Variants in GLYATL2 observed in about 807,000 individuals in gnomAD.
GLYATL2 encodes glycine-N-acyltransferase like 2.
A neutral mutation model predicts 21.4 loss-of-function variants in GLYATL2; 25 were observed. The observed-to-expected ratio is 1.17, with a 90% CI of 0.85 to 1.63. The LOEUF is 1.63. GLYATL2 is among the 40% of genes most tolerant of loss of function. GLYATL2 has a pLI of 0.00. For missense variants in GLYATL2, 361 were observed against 343.3 expected, an observed-to-expected ratio of 1.05 and a Z score of -0.41; for synonymous variants, 114 against 118.2, an observed-to-expected ratio of 0.96 and a Z score of 0.23.
At chr11:58,860,606 T>C (rs1853913926) in intron 1 of GLYATL2, among the ~76,000 whole-genome samples, 1 of 152,132 alleles carries the variant, frequency 6.6e-6, no homozygotes, top group Admixed American at 6.5e-5. Context: ...TTCTCTTGCC[T>C]AATTGCTCTG....
intron 1 of GLYATL2, among the ~76,000 whole-genome samples, chr11:58,891,617 G>T (rs1854545248): frequency 6.6e-6 from 1 of 152,104 alleles, no homozygotes; most frequent in African/African-American, 2.4e-5. Context: ...CACCCTCTAG[G>T]ACACTACAGA....
chr11:58,899,130 G>A (rs969566765), intron 1 of GLYATL2, among the ~76,000 whole-genome samples: 7 of 152,136 alleles, frequency 4.6e-5, no homozygotes, highest in Non-Finnish European at 1.0e-4. Context: ...AAGCTAATAA[G>A]AAGTGGATGA....
rs563598819 is a variant in GLYATL2 at position 58,892,803 on chromosome 11, G to A, written n.60+11353C>T. 2.8e-5 allele frequency: 9 copies of A among 324,520 alleles called. No homozygotes were observed. The South Asian group carries it at 3.7e-4, about 13-fold the overall frequency. 20.1% of individuals were successfully genotyped at this position (324,520 alleles called of 1,614,324 possible). ...TGCAATAAAAGCAAGCTTGGAAGTA[G>A]GGATGAGATAGGCCACCCAGATGAT... On this transcript the variant is annotated intron_variant and non_coding_transcript_variant, in intron 1 of 4. Transcript: ENST00000533636.
intron 1 of GLYATL2, among the ~76,000 whole-genome samples, chr11:58,899,288 A>C (rs574805827): frequency 7.2e-5 from 11 of 152,140 alleles, no homozygotes; most frequent in East Asian, 1.9e-4. Flanking sequence ...CAGGATGTAC[A>C]GGGCAAAGCT....
At chr11:58,885,742 G>A (rs769258979) in intron 1 of GLYATL2, among the ~76,000 whole-genome samples, 1 of 152,190 alleles carries the variant, frequency 6.6e-6, no homozygotes, top group Admixed American at 6.5e-5. Context: ...TGGGAAAAGG[G>A]GTGGAGGGGG....
In GLYATL2 at chr11:58,889,317, C is replaced by A. The variant is rs183043207; in HGVS notation, n.60+14839G>T. On this transcript the variant is annotated intron_variant and non_coding_transcript_variant, in intron 1 of 4. Coordinates refer to the GLYATL2 transcript ENST00000533636. ...TTCAAAGTCTCTTGGATTTTCTAAA[C>A]ACGTAATACTGTACTCTGCAAACAA... 1.5e-3 allele frequency among the ~76,000 whole-genome samples: 231 copies of A among 151,952 alleles called. 1 individual carries two copies. The highest frequency in any genetic ancestry group is 5.2e-3 in the African/African-American group (215 of 41,504).
rs1854727551 is a variant in GLYATL2 at position 58,900,919 on chromosome 11, C to CT, written n.60+3236dup. 4.2e-5 allele frequency among the ~76,000 whole-genome samples: 5 copies of CT among 119,104 alleles called. No individual in the cohort carries two copies. In the Admixed American group the frequency reaches 4.3e-4, roughly 10 times the overall value. 78.1% of individuals were successfully genotyped at this position (119,104 alleles called of 152,430 possible). ...CATTGGCCTTAATCTTCACCTCCCG[C>CT]TTTTCTTCCCTGCTTCTTTTCTCCT... On this transcript the variant is annotated intron_variant and non_coding_transcript_variant, in intron 1 of 4. Coordinates refer to the GLYATL2 transcript ENST00000533636.
chr11:58,907,018 C>T (rs144754175), upstream of GLYATL2, among the ~76,000 whole-genome samples: 70 of 152,286 alleles, frequency 4.6e-4, no homozygotes, highest in Non-Finnish European at 7.1e-4. Context: ...AAAGGTTGAT[C>T]TGAGCCAAAC....
intron 1 of GLYATL2, among the ~76,000 whole-genome samples, chr11:58,899,477 G>A (rs897718528): frequency 1.3e-5 from 2 of 152,126 alleles, no homozygotes; most frequent in East Asian, 3.8e-4. Flanking sequence ...AACAACACAT[G>A]ATTTGACGAC....
At chr11:58,853,029 G>T (rs1222321082) in intron 1 of GLYATL2, among the ~76,000 whole-genome samples, 1 of 152,086 alleles carries the variant, frequency 6.6e-6, no homozygotes, top group Non-Finnish European at 1.5e-5. Context: ...TCTTTGATTT[G>T]CACGTGTAAT....
chr11:58,883,793 A>G (rs1227395255), intron 1 of GLYATL2, among the ~76,000 whole-genome samples: 1 of 152,228 alleles, frequency 6.6e-6, no homozygotes, highest in Non-Finnish European at 1.5e-5. Flanking sequence ...AATATACCAG[A>G]TGAATATCGA....
At chr11:58,839,967 A>G (rs1030687151) in intron 1 of GLYATL2, among the ~76,000 whole-genome samples, 2 of 152,218 alleles carry the variant, frequency 1.3e-5, no homozygotes, top group Non-Finnish European at 2.9e-5. Context: ...TCAGCTGTCC[A>G]GGCACAAATA....
rs189000269 is a variant in GLYATL2, at chr11:58,859,662, C to T, written n.61-21294G>A. 2.1e-4 allele frequency among the ~76,000 whole-genome samples: 32 copies of T among 152,222 alleles called. No individual in the cohort carries two copies. In the East Asian group the frequency reaches 6.0e-3, roughly 28 times the overall value. The stretch of plus-strand genomic sequence containing the variant: ...TCTATTTTGGCCTTCGTTATCTGTG[C>T]TTTAGGAATTCCATCCAAAAATCAT... On this transcript the variant is annotated intron_variant and non_coding_transcript_variant, in intron 1 of 4. Transcript: ENST00000533636.
intron 1 of GLYATL2, chr11:58,840,633 T>C (rs1432968008): frequency 6.6e-6 from 1 of 150,896 alleles, no homozygotes; most frequent in Non-Finnish European, 1.5e-5. Flanking sequence ...AGGTCAGGAG[T>C]TTGAGATCAG....
chr11:58,887,563 C>T (rs1854465575), intron 1 of GLYATL2, among the ~76,000 whole-genome samples: 1 of 152,182 alleles, frequency 6.6e-6, no homozygotes, highest in South Asian at 2.1e-4. Context: ...AATCAGTGTC[C>T]TTGCCCATAT....
upstream of GLYATL2, chr11:58,905,417 C>T (rs1354853354): frequency 2.2e-6 from 1 of 450,382 alleles, no homozygotes; most frequent in Admixed American, 2.4e-5. Flanking sequence ...GCCACCGCCG[C>T]CGACCCATCA....
At chr11:58,835,809 G>T (rs1381558909) in intron 5 of GLYATL2, among the ~76,000 whole-genome samples, 1 of 152,022 alleles carries the variant, frequency 6.6e-6, no homozygotes, top group African/African-American at 2.4e-5. Context: ...CCTTAGGGCA[G>T]GTATTTCATG....
At chr11:58,887,796 T>G (rs1854469981) in intron 1 of GLYATL2, among the ~76,000 whole-genome samples, 1 of 152,214 alleles carries the variant, frequency 6.6e-6, no homozygotes, top group South Asian at 2.1e-4. Context: ...AATGCTTCAA[T>G]AAACATCCTT....
At chr11:58,896,846 G>T (rs955214122) in intron 1 of GLYATL2, among the ~76,000 whole-genome samples, 3 of 152,092 alleles carry the variant, frequency 2.0e-5, no homozygotes, top group African/African-American at 7.2e-5. Flanking sequence ...GTTTCATATA[G>T]GAATTAAGAA....
Sources: allele counts gnomAD v4.1 joint callset (sites outside exome capture counted in the v4.1 genomes callset), GRCh38; gene constraint gnomAD v4.1.1; transcripts MANE v1.5; gene names NCBI Gene and HGNC (gene_info 2026-07-23, HGNC 2026-07-21).